Variants in SCOC observed in about 807,000 individuals in gnomAD.
SCOC encodes short coiled coil protein.
In SCOC, 7 loss-of-function variants were observed where a neutral mutation model predicts 9.9. The ratio of observed to expected loss-of-function variants is 0.71; its 90% CI spans 0.40 to 1.33. SCOC has a LOEUF of 1.33. Among genes scored for constraint, SCOC ranks in the 40% most tolerant of loss-of-function variants. SCOC has a pLI of 0.01. For missense variants in SCOC, 66 were observed against 89.7 expected, an observed-to-expected ratio of 0.74 and a Z score of 1.07; for synonymous variants, 19 against 28.2, an observed-to-expected ratio of 0.67 and a Z score of 1.03.
chr4:140,305,034 T>C (rs953289984), intron 1 of SCOC, among the ~76,000 whole-genome samples: 2 of 152,212 alleles, frequency 1.3e-5, no homozygotes, highest in African/African-American at 4.8e-5. Flanking sequence ...TCTTCAGGCA[T>C]GAGCTCGTCT....
chr4:140,372,939 A>G (rs1327223378), upstream of SCOC, among the ~76,000 whole-genome samples: 2 of 152,228 alleles, frequency 1.3e-5, no homozygotes, highest in African/African-American at 4.8e-5. Flanking sequence ...CTCAGGCTTC[A>G]GTTCCTTTCT....
chr4:140,291,378 C>G, intron 1 of SCOC: 1 of 456,750 alleles, frequency 2.2e-6, no homozygotes, highest in Non-Finnish European at 4.4e-6. Context: ...CCTGGCTCTT[C>G]ATATACCTTA....
chr4:140,338,948 A>C (rs943387943), upstream of SCOC, among the ~76,000 whole-genome samples: 1 of 152,188 alleles, frequency 6.6e-6, no homozygotes, highest in African/African-American at 2.4e-5. Flanking sequence ...GGAAAAAACT[A>C]CTTTAAAGTT....
chr4:140,272,837 T>C (rs935509916), intron 1 of SCOC, among the ~76,000 whole-genome samples: 1 of 152,164 alleles, frequency 6.6e-6, no homozygotes, highest in African/African-American at 2.4e-5. Context: ...AGGGGAAGGC[T>C]CCGGTCTTCA....
chr4:140,258,128 G>A (rs562501645), intron 1 of SCOC, among the ~76,000 whole-genome samples: 1 of 152,338 alleles, frequency 6.6e-6, no homozygotes, highest in South Asian at 2.1e-4. Context: ...CTGCGGAGGT[G>A]CTCTTTCCAC....
intron 2 of SCOC, among the ~76,000 whole-genome samples, chr4:140,358,687 T>C (rs1727336433): frequency 1.3e-5 from 2 of 152,212 alleles, no homozygotes. Flanking sequence ...CAGAAAGTAG[T>C]CACTCAAATC....
intron 2 of SCOC, among the ~76,000 whole-genome samples, chr4:140,362,308 T>TCTTCTTCTTCTTCTTC (rs1727590727): frequency 1.2e-4 from 1 of 8,440 alleles, no homozygotes; most frequent in African/African-American, 3.8e-4. Context: ...TCTTTTTTTT[T>TCTTCTTCTTCTTCTTC]TTTTTTTGTG....
At chr4:140,300,269 G>A (rs1209167073) in intron 1 of SCOC, among the ~76,000 whole-genome samples, 8 of 152,114 alleles carry the variant, frequency 5.3e-5, no homozygotes. Context: ...GAGATATGGC[G>A]CTTCCCTCTG....
chr4:140,322,141 T>C (rs1732517426), intron 1 of SCOC, among the ~76,000 whole-genome samples: 1 of 152,220 alleles, frequency 6.6e-6, no homozygotes, highest in African/African-American at 2.4e-5. Context: ...GGTATTTTGT[T>C]ATAGTAGTCT....
chr4:140,332,568 G>A (rs535502333), intron 1 of SCOC, among the ~76,000 whole-genome samples: 39 of 151,792 alleles, frequency 2.6e-4, no homozygotes, highest in African/African-American at 6.3e-4. Context: ...TAGTAGAGAC[G>A]GGTTTTCACC....
intron 1 of SCOC, among the ~76,000 whole-genome samples, chr4:140,264,555 T>C (rs967859996): frequency 2.6e-5 from 4 of 152,192 alleles, no homozygotes. Context: ...ATGGTTTCGA[T>C]GCCCTTGAGG....
At chr4:140,340,019 C>T (rs1185967242), upstream of SCOC, among the ~76,000 whole-genome samples, 1 of 152,180 alleles carries the variant, frequency 6.6e-6, no homozygotes, top group Non-Finnish European at 1.5e-5. Flanking sequence ...TATTGCAGCA[C>T]TATTCACAAT....
intron 1 of SCOC, among the ~76,000 whole-genome samples, chr4:140,292,676 G>T (rs1731510092): frequency 6.6e-6 from 1 of 152,204 alleles, no homozygotes; most frequent in Non-Finnish European, 1.5e-5. Context: ...CTGTTACCTT[G>T]CCGAGGAGGG....
intron 1 of SCOC, among the ~76,000 whole-genome samples, chr4:140,294,975 T>G (rs1006314910): frequency 6.6e-6 from 1 of 152,178 alleles, no homozygotes; most frequent in Admixed American, 6.5e-5. Flanking sequence ...AAATTTGAAA[T>G]TAAACCCCAT....
upstream of SCOC, among the ~76,000 whole-genome samples, chr4:140,339,762 C>T (rs1726429162): frequency 6.6e-6 from 1 of 152,200 alleles, no homozygotes; most frequent in Non-Finnish European, 1.5e-5. Context: ...TACCATCTCA[C>T]ACCAGTTAGA....
chr4:140,288,026 TAC>T (rs1202448036), intron 1 of SCOC, among the ~76,000 whole-genome samples: 1 of 151,906 alleles, frequency 6.6e-6, no homozygotes, highest in East Asian at 1.9e-4. Flanking sequence ...CCCCACACTT[TAC>T]ACACATACCA....
intron 1 of SCOC, among the ~76,000 whole-genome samples, chr4:140,262,669 G>A (rs145648638): frequency 0.033 from 5,051 of 152,170 alleles, 116 homozygotes; most frequent in Non-Finnish European, 0.052. Context: ...AGAACTACCT[G>A]AGACTGGCTA....
chr4:140,373,324 G>A (rs1209207696), upstream of SCOC: 2 of 1,403,916 alleles, frequency 1.4e-6, no homozygotes, highest in African/African-American at 2.9e-5. Context: ...TCCACACTGG[G>A]ATTCTCACTC....
chr4:140,289,108 C>T (rs776806578), intron 1 of SCOC, among the ~76,000 whole-genome samples: 28 of 152,172 alleles, frequency 1.8e-4, no homozygotes, highest in African/African-American at 3.6e-4. Context: ...CTTGCTATGT[C>T]CCCTTGCAAA....
Sources: gnomAD v4.1 joint callset for allele counts (sites outside exome capture counted in the v4.1 genomes callset) on GRCh38, gnomAD v4.1.1 for gene constraint, MANE v1.5 for transcripts, NCBI Gene and HGNC (gene_info 2026-07-23, HGNC 2026-07-21) for gene names.